The following MSH4 variants were observed in gnomAD, a reference collection of about 807,000 sequenced individuals.
MSH4 encodes the protein mutS protein homolog 4.
MSH4 carries 106 observed loss-of-function variants against 113.7 expected under a neutral mutation model. That is an observed-to-expected ratio of 0.93 (90% CI 0.80 to 1.10). The LOEUF is 1.10. Ranked by LOEUF, MSH4 falls within the 50% of genes least tolerant of loss-of-function variation. The pLI, the probability that MSH4 is intolerant of heterozygous loss-of-function variation, is 0.00. For synonymous variants in MSH4, 368 were observed against 380.2 expected (o/e 0.97, Z 0.37); for missense variants, 1,061 against 1,093.7 (o/e 0.97, Z 0.42).
chr1:75,868,067 G>A (rs952814094), intron 9 of MSH4, among the ~76,000 whole-genome samples: 1 of 152,006 alleles, frequency 6.6e-6, no homozygotes, highest in Non-Finnish European at 1.5e-5. Flanking sequence ...CTCAGCCTTT[G>A]TTCATGATAC....
chr1:75,887,683 C>T (rs1200975234), intron 15 of MSH4, among the ~76,000 whole-genome samples: 1 of 152,128 alleles, frequency 6.6e-6, no homozygotes, highest in Non-Finnish European at 1.5e-5. Context: ...CACAAGGATT[C>T]AAACCCATGC....
chr1:75,909,079 C>T (rs976229935), intron 19 of MSH4, among the ~76,000 whole-genome samples: 1 of 152,110 alleles, frequency 6.6e-6, no homozygotes, highest in Non-Finnish European at 1.5e-5. Context: ...TGCCCTCAGG[C>T]GGTTTTCTCC....
At position 75,810,760 on chromosome 1, in the gene MSH4, G is replaced by A. The variant is rs748080672; in HGVS notation, c.652G>A (p.Val218Met). The A allele has an allele frequency of 3.8e-6, 6 of 1,591,826 alleles. No individual in the cohort carries two copies. The Admixed American group carries it at 1.1e-4, about 28-fold the overall frequency. The change falls in exon 4 of 20, where the codon GTG becomes ATG. Residue 218 changes from valine to methionine, a missense_variant. Coordinates refer to ENST00000263187, the MANE Select transcript of MSH4 (RefSeq NM_002440.4). ...EIIMSNTACA[V>M]GNSTKLFTLI... ...AATAATGTCAAATACTGCTTGTGCT[G>A]TGGGGAATTCCACCAAGTTGTTCAC...
At chr1:75,831,259 C>T (rs577501347) in intron 7 of MSH4, among the ~76,000 whole-genome samples, 1 of 152,284 alleles carries the variant, frequency 6.6e-6, no homozygotes, top group South Asian at 2.1e-4. Flanking sequence ...TATATATGCA[C>T]CCAAAACAGG....
chr1:75,896,180 A>C (rs1652376156), intron 17 of MSH4, among the ~76,000 whole-genome samples: 1 of 152,122 alleles, frequency 6.6e-6, no homozygotes, highest in Non-Finnish European at 1.5e-5. Flanking sequence ...TCAGACTCAA[A>C]CTGAAACATT....
chr1:75,849,474 A>T (rs1160397678), intron 8 of MSH4, among the ~76,000 whole-genome samples: 4 of 152,214 alleles, frequency 2.6e-5, no homozygotes, highest in African/African-American at 9.6e-5. Context: ...GACATTTGTA[A>T]ATCCATTGAA....
At chr1:75,811,113 C>T (rs560793445) in intron 4 of MSH4, among the ~76,000 whole-genome samples, 3 of 152,054 alleles carry the variant, frequency 2.0e-5, no homozygotes, top group Non-Finnish European at 2.9e-5. Context: ...CTCAAGTGAT[C>T]GATCTGCCTT....
intron 8 of MSH4, among the ~76,000 whole-genome samples, chr1:75,856,321 G>T (rs1459708036): frequency 6.6e-6 from 1 of 151,818 alleles, no homozygotes; most frequent in Non-Finnish European, 1.5e-5. Context: ...TAGGTTCTGG[G>T]TTACATGTGC....
chr1:75,822,444 C>T lies in MSH4; in HGVS notation c.1025C>T (p.Thr342Ile), dbSNP rs777079867. ...ACTCTCTTTGGTGTTCTAAATTATA[C>T]TAAGACTCCTGGAGGGAGTAGACGA... is the stretch of plus-strand genomic sequence containing the variant. ...NHTLFGVLNYTKTPGGSRRLR... is the reference protein window; with the variant it reads ...NHTLFGVLNYIKTPGGSRRLR... The change falls in exon 7 of 20, where the codon ACT (threonine) becomes ATT (isoleucine). Residue 342 changes from threonine (T) to isoleucine (I), a missense_variant. Coordinates refer to ENST00000263187, the MANE Select transcript of MSH4 (RefSeq NM_002440.4). The T allele has an allele frequency of 6.4e-7, 1 of 1,574,514 alleles. No homozygotes were observed. The highest frequency in any genetic ancestry group is 2.3e-5 in the East Asian group (1 of 42,858).
chr1:75,863,540 C>T (rs1651504953), intron 8 of MSH4, among the ~76,000 whole-genome samples: 1 of 152,092 alleles, frequency 6.6e-6, no homozygotes, highest in African/African-American at 2.4e-5. Flanking sequence ...GAAGGATTAT[C>T]TGTAACTGAT....
chr1:75,823,121 T>C (rs1378549248), intron 7 of MSH4, among the ~76,000 whole-genome samples: 1 of 152,144 alleles, frequency 6.6e-6, no homozygotes, highest in Non-Finnish European at 1.5e-5. Flanking sequence ...TGTCAGTCCA[T>C]GATGGGCCTT....
intron 7 of MSH4, among the ~76,000 whole-genome samples, chr1:75,843,167 G>A (rs1650999818): frequency 6.6e-6 from 1 of 152,150 alleles, no homozygotes; most frequent in African/African-American, 2.4e-5. Flanking sequence ...ACCTATCATT[G>A]GAGATGACTC....
chr1:75,889,597 A>T (rs1228414605), intron 16 of MSH4, among the ~76,000 whole-genome samples: 1 of 152,164 alleles, frequency 6.6e-6, no homozygotes, highest in Non-Finnish European at 1.5e-5. Context: ...ATTATTAAGT[A>T]ATAAAAGTGT....
At chr1:75,809,277 T>A (rs1257511568) in intron 3 of MSH4, among the ~76,000 whole-genome samples, 1 of 152,200 alleles carries the variant, frequency 6.6e-6, no homozygotes, top group African/African-American at 2.4e-5. Context: ...CATTATTTTT[T>A]AATTCTCTTC....
intron 9 of MSH4, among the ~76,000 whole-genome samples, chr1:75,869,054 G>A (rs1651652346): frequency 6.6e-6 from 1 of 152,148 alleles, no homozygotes; most frequent in African/African-American, 2.4e-5. Flanking sequence ...GGAAGTTGTA[G>A]GAAAGTCTGA....
chr1:75,810,956 C>G (rs1144335), intron 4 of MSH4, 149 bp downstream of exon 4: 7,885 of 388,546 alleles, frequency 0.02, 593 homozygotes, highest in African/African-American at 0.16. Context: ...ACTGCAACCT[C>G]CAGCTCCCGA....
chr1:75,811,199 C>T (rs1650183489), intron 4 of MSH4, among the ~76,000 whole-genome samples: 1 of 152,038 alleles, frequency 6.6e-6, no homozygotes, highest in African/African-American at 2.4e-5. Context: ...TTAAAATTTA[C>T]TTAATAATAT....
chr1:75,868,481 G>T (rs145144921), intron 9 of MSH4, among the ~76,000 whole-genome samples: 1 of 152,028 alleles, frequency 6.6e-6, no homozygotes, highest in Non-Finnish European at 1.5e-5. Flanking sequence ...TGTAAAACTT[G>T]TTTTTATTGA....
chr1:75,893,588 T>A (rs1652307440), intron 17 of MSH4, among the ~76,000 whole-genome samples: 1 of 152,128 alleles, frequency 6.6e-6, no homozygotes, highest in African/African-American at 2.4e-5. Flanking sequence ...CAATGCTGAG[T>A]CTCCTCAAGT....
Sources: gnomAD v4.1 joint callset for allele counts (sites outside exome capture counted in the v4.1 genomes callset) on GRCh38, gnomAD v4.1.1 for gene constraint, MANE v1.5 for transcripts, NCBI Gene and HGNC (gene_info 2026-07-23, HGNC 2026-07-21) for gene names.